Variants in LHFPL4 observed in about 807,000 individuals in gnomAD.
LHFPL4 encodes the protein LHFPL tetraspan subfamily member 4 protein.
In LHFPL4, 6 loss-of-function variants were observed where a neutral mutation model predicts 20.0. That is an observed-to-expected ratio of 0.30 (90% CI 0.16 to 0.59). The LOEUF (loss-of-function observed/expected upper bound fraction) is 0.59. LHFPL4 is among the 20% of genes least tolerant of loss of function. The probability of loss-of-function intolerance (pLI) is 0.88; values close to 1 mark genes in which losing one functional copy is unlikely to be tolerated. For synonymous variants in LHFPL4, 129 were observed against 143.8 expected (o/e 0.90, Z 0.74); for missense variants, 215 against 331.2 (o/e 0.65, Z 2.72).
At chr3:9,550,245 G>C (rs2046544848) in intron 2 of LHFPL4, among the ~76,000 whole-genome samples, 1 of 152,180 alleles carries the variant, frequency 6.6e-6, no homozygotes, top group Non-Finnish European at 1.5e-5. Flanking sequence ...CACTCACCCA[G>C]AGAACTCAGA....
In LHFPL4 at chr3:9,499,941, CT is replaced by C; in HGVS notation, c.*2269del. ...TTTACCTCTTCCCCGCTCCCGAGTCCTTTTTCCGCCTTTTCATCCATTTCCC... is the reference window on the plus strand; with the variant it reads ...TTTACCTCTTCCCCGCTCCCGAGTCCTTTTCCGCCTTTTCATCCATTTCCC... On this transcript the variant is annotated 3_prime_UTR_variant, in exon 4 of 4. Transcript: ENST00000287585. 6.6e-6 allele frequency: 1 copy of C among 152,524 alleles called. No homozygotes were observed. Among genetic ancestry groups the C allele is most frequent in the Non-Finnish European group, 1.5e-5 (1 of 68,416 alleles). The allele number at this position is 152,524 out of a possible 1,614,324, so 9.4% of individuals were successfully genotyped here. A position where few individuals can be genotyped will look rare whatever the true frequency, so the allele number is the denominator to read the frequency against.
intron 2 of LHFPL4, among the ~76,000 whole-genome samples, chr3:9,551,430 C>A (rs936464006): frequency 6.8e-6 from 1 of 146,966 alleles, no homozygotes; most frequent in Non-Finnish European, 1.5e-5. Flanking sequence ...TCTTCAAAAT[C>A]TATCTCTGAT....
chr3:9,539,951 A>G (rs940435478), intron 2 of LHFPL4, among the ~76,000 whole-genome samples: 5 of 152,176 alleles, frequency 3.3e-5, no homozygotes, highest in African/African-American at 9.7e-5. Flanking sequence ...TTGATAACAC[A>G]CTCAGTTAAC....
intron 2 of LHFPL4, among the ~76,000 whole-genome samples, chr3:9,519,232 C>T (rs2046323087): frequency 6.6e-6 from 1 of 152,066 alleles, no homozygotes; most frequent in Admixed American, 6.6e-5. Context: ...AGCCACCGCA[C>T]CCAACCTAAT....
At chr3:9,509,082 T>G (rs1294043856) in intron 2 of LHFPL4, among the ~76,000 whole-genome samples, 3 of 152,212 alleles carry the variant, frequency 2.0e-5, no homozygotes, top group Non-Finnish European at 4.4e-5. Flanking sequence ...CGCTGGCTCC[T>G]GCGGGCGGTC....
At chr3:9,525,813 G>A (rs1022136040) in intron 2 of LHFPL4, among the ~76,000 whole-genome samples, 2 of 151,990 alleles carry the variant, frequency 1.3e-5, no homozygotes, top group African/African-American at 2.4e-5. Context: ...TGTTTTAACT[G>A]TTTTATGTGT....
In LHFPL4 at chr3:9,499,131, T is replaced by G. The variant is rs2046152488; in HGVS notation, c.*3080A>C. The G allele has an allele frequency of 6.5e-6, 1 of 153,056 alleles. No homozygotes were observed. The highest frequency in any genetic ancestry group is 2.4e-5 in the African/African-American group (1 of 41,454). 9.5% of individuals were successfully genotyped at this position (153,056 alleles called of 1,614,324 possible). On this transcript the variant is annotated 3_prime_UTR_variant, in exon 4 of 4. Transcript: ENST00000287585. ...GACCTGAAGCCGGAAGGCTCTAGGT[T>G]GGAGCCCAACAAGGCCCTCCTGGGG...
chr3:9,544,953 T>C (rs983105176), intron 2 of LHFPL4, among the ~76,000 whole-genome samples: 1 of 152,166 alleles, frequency 6.6e-6, no homozygotes, highest in African/African-American at 2.4e-5. Context: ...TATTGTACCA[T>C]ATTGTGATGA....
intron 2 of LHFPL4, 43 bp downstream of exon 2, chr3:9,552,231 C>G: frequency 6.5e-7 from 1 of 1,548,740 alleles, no homozygotes; most frequent in Non-Finnish European, 8.7e-7. Flanking sequence ...GGAGCCCCGT[C>G]CCTGGCGCTT....
In LHFPL4 at chr3:9,501,539, G is replaced by C. The variant is rs1449698806; in HGVS notation, c.*672C>G. ...CGTACCCCCTCCCGCTACCTCCAGA[G>C]CCTGAAAGTCTTTTCTGACTCTGGG... is the stretch of plus-strand genomic sequence containing the variant. On this transcript the variant is annotated 3_prime_UTR_variant, in exon 4 of 4. Coordinates refer to ENST00000287585, the MANE Select transcript of LHFPL4 (RefSeq NM_198560.3). The C allele has an allele frequency of 1.3e-5, 2 of 152,466 alleles. No homozygotes were observed. Among genetic ancestry groups the C allele is most frequent in the Non-Finnish European group, 2.9e-5 (2 of 68,316 alleles). 9.4% of individuals were successfully genotyped at this position (152,466 alleles called of 1,614,324 possible). A position where few individuals can be genotyped will look rare whatever the true frequency, so the allele number is the denominator to read the frequency against.
chr3:9,552,593 G>C lies in LHFPL4; in HGVS notation c.87C>G (p.Phe29Leu). 2 of 1,613,974 alleles carry C rather than the reference G, an allele frequency of 1.2e-6. No individual in the cohort carries two copies. Among genetic ancestry groups the C allele is most frequent in the Non-Finnish European group, 1.7e-6 (2 of 1,179,950 alleles). Residue 29 changes from phenylalanine (F) to leucine (L), a missense_variant, in exon 2 of 4, where the codon TTC (phenylalanine) becomes TTG (leucine). Phe to Leu is a conservative substitution (Grantham distance 22). This residue lies in a region of LHFPL4 where 164 missense variants were observed against 286.7 expected (regional missense o/e 0.57). Coordinates refer to ENST00000287585, the MANE Select transcript of LHFPL4 (RefSeq NM_198560.3). The part of the protein sequence containing the change: ...SRAIGVLWAI[F>L]TICFAIINVV... ...CGTTGATGATGGCGAAGCAGATGGT[G>C]AAGATGGCCCACAGCACGCCGATGG...
At chr3:9,504,763 T>C (rs2046205218) in intron 3 of LHFPL4, among the ~76,000 whole-genome samples, 1 of 150,756 alleles carries the variant, frequency 6.6e-6, no homozygotes, top group Admixed American at 6.6e-5. Context: ...AGGTGGAGCT[T>C]GCAGTGAGTG....
chr3:9,515,433 G>C (rs895915590), intron 2 of LHFPL4, among the ~76,000 whole-genome samples: 1 of 152,094 alleles, frequency 6.6e-6, no homozygotes, highest in African/African-American at 2.4e-5. Flanking sequence ...AAGTTCAGGG[G>C]TGCAGTCTCA....
At chr3:9,510,314 C>T (rs564937575) in intron 2 of LHFPL4, among the ~76,000 whole-genome samples, 2 of 151,626 alleles carry the variant, frequency 1.3e-5, no homozygotes, top group African/African-American at 4.8e-5. Context: ...GGCATGTACT[C>T]GTAGTCCCAG....
At chr3:9,545,233 G>C (rs570888090) in intron 2 of LHFPL4, among the ~76,000 whole-genome samples, 1 of 152,120 alleles carries the variant, frequency 6.6e-6, no homozygotes, top group South Asian at 2.1e-4. Context: ...AGGGAGAATT[G>C]GGGGAGGAAG....
rs1045483936 is a variant in LHFPL4, at chr3:9,501,331, G to C, written c.*880C>G. 9.2e-5 allele frequency: 14 copies of C among 152,828 alleles called. No homozygotes were observed. Among genetic ancestry groups the C allele is most frequent in the African/African-American group, 3.4e-4 (14 of 41,456 alleles). The allele number at this position is 152,828 out of a possible 1,614,324, so 9.5% of individuals were successfully genotyped here. ...CTGACAACAGGGCCAAGAAGTCTGT[G>C]CTGTACAAAACAGGCCAGGGTCAAG... On this transcript the variant is annotated 3_prime_UTR_variant, in exon 4 of 4. Coordinates refer to ENST00000287585, the MANE Select transcript of LHFPL4 (RefSeq NM_198560.3).
At chr3:9,532,627 G>A (rs1005871236) in intron 2 of LHFPL4, among the ~76,000 whole-genome samples, 1 of 152,176 alleles carries the variant, frequency 6.6e-6, no homozygotes, top group Non-Finnish European at 1.5e-5. Context: ...GAGGCACCGC[G>A]CCTGGCCTAT....
At chr3:9,542,984 G>A (rs2046486979) in intron 2 of LHFPL4, among the ~76,000 whole-genome samples, 1 of 152,028 alleles carries the variant, frequency 6.6e-6, no homozygotes, top group South Asian at 2.1e-4. Context: ...CTGAGATAAT[G>A]AAAAATATCC....
Position 9,506,092 on chromosome 3 carries a change from A to G in LHFPL4, c.518T>C (p.Val173Ala). 1 of 1,614,108 alleles carries G rather than the reference A, an allele frequency of 6.2e-7. No homozygotes were observed. Reference protein sequence around the residue: ...TGKYSLGDCSVRWAYILAIIG... With the variant: ...TGKYSLGDCSARWAYILAIIG... ...GATGGCCAGGATGTATGCCCAGCGC[A>G]CTGAACAGTCCCCCAGGGAGTACTT... The change falls in exon 3 of 4, where the codon GTG becomes GCG. Residue 173 changes from valine to alanine, a missense_variant. Val to Ala is a moderately conservative substitution (Grantham distance 64, BLOSUM62 0). Coordinates refer to ENST00000287585, the MANE Select transcript of LHFPL4 (RefSeq NM_198560.3). The surrounding 1 kb of genome is among the most constrained non-coding windows in gnomAD (Gnocchi z 4.5).
Sources: gnomAD v4.1 joint callset for allele counts (sites outside exome capture counted in the v4.1 genomes callset) on GRCh38, gnomAD v4.1.1 for gene constraint, gnomAD v4.1.1 regional missense constraint, Gnocchi (gnomAD v3.1) non-coding constraint, MANE v1.5 for transcripts, NCBI Gene and HGNC (gene_info 2026-07-23, HGNC 2026-07-21) for gene names.